HMGCLL1: variants seen among roughly 807,000 people sequenced by gnomAD.
HMGCLL1 encodes 3-hydroxy-3-methylglutaryl-CoA lyase like 1.
In HMGCLL1, 36 loss-of-function variants were observed where a neutral mutation model predicts 39.1. The ratio of observed to expected loss-of-function variants is 0.92; its 90% CI spans 0.71 to 1.22. The LOEUF is 1.22. Among genes scored for constraint, HMGCLL1 ranks in the 50% most tolerant of loss-of-function variants. The pLI, the probability that HMGCLL1 is intolerant of heterozygous loss-of-function variation, is 0.00. For missense variants in HMGCLL1, 451 were observed against 416.5 expected (o/e 1.08, Z -0.72); for synonymous variants, 149 against 144.0 (o/e 1.03, Z -0.25).
intron 3 of HMGCLL1, among the ~76,000 whole-genome samples, chr6:55,540,355 G>A (rs1769353970): frequency 6.6e-6 from 1 of 152,110 alleles, no homozygotes; most frequent in Non-Finnish European, 1.5e-5. Flanking sequence ...CCTGTAATGT[G>A]ATAATATTAA....
intron 7 of HMGCLL1, among the ~76,000 whole-genome samples, chr6:55,493,062 A>T (rs1766395723): frequency 6.7e-6 from 1 of 149,924 alleles, no homozygotes. Context: ...ATATATTAAC[A>T]TATAAAAATA....
At chr6:55,544,739 C>A (rs55993267) in intron 1 of HMGCLL1, among the ~76,000 whole-genome samples, 3,900 of 152,224 alleles carry the variant, frequency 0.026, 165 homozygotes, top group African/African-American at 0.089. Context: ...GTCCCCATTA[C>A]AATGTTTACA....
chr6:55,577,177 T>C (rs1561973297), intron 1 of HMGCLL1: 1 of 1,568,000 alleles, frequency 6.4e-7, no homozygotes. Context: ...TCTAGGAAGA[T>C]AAAGTTCAAA....
intron 3 of HMGCLL1, among the ~76,000 whole-genome samples, chr6:55,528,250 A>C (rs1768428298): frequency 6.6e-6 from 1 of 152,040 alleles, no homozygotes; most frequent in African/African-American, 2.4e-5. Context: ...GTACAACAGG[A>C]AAGAGACATA....
the HMGCLL1 span, among the ~76,000 whole-genome samples, chr6:55,659,455 A>C: frequency 6.6e-6 from 1 of 151,930 alleles, no homozygotes; most frequent in Non-Finnish European, 1.5e-5. Context: ...AATCAGAAAC[A>C]TGTGTCTTAA....
intron 1 of HMGCLL1, among the ~76,000 whole-genome samples, chr6:55,556,438 G>C (rs1770670637): frequency 6.6e-6 from 1 of 152,086 alleles, no homozygotes; most frequent in Admixed American, 6.6e-5. Flanking sequence ...AGTTGATCAA[G>C]GGAAATGTGC....
chr6:55,513,156 C>T (rs1264996423), intron 5 of HMGCLL1: 1 of 152,076 alleles, frequency 6.6e-6, no homozygotes, highest in Non-Finnish European at 1.5e-5. Context: ...TTGCATGTGG[C>T]TCCATCCTAG....
At chr6:55,639,344 G>A in the HMGCLL1 span, among the ~76,000 whole-genome samples, 3 of 150,928 alleles carry the variant, frequency 2.0e-5, no homozygotes, top group African/African-American at 7.3e-5. Flanking sequence ...TGCTAAAATA[G>A]TTATTTCATA....
Position 55,527,758 on chromosome 6 carries a change from C to T in HMGCLL1, c.298-11155G>A, listed in dbSNP as rs926606790. ...CCCATGACAAAAAAGAAAAAAGTTT[C>T]ACTGATAAAAACTAAAGTTTGGAAA... is the stretch of plus-strand genomic sequence containing the variant. On this transcript the variant is annotated intron_variant, in intron 3 of 8. Transcript: ENST00000274901. Among the ~76,000 whole-genome samples the T allele has an allele frequency of 8.6e-5, 13 of 152,046 alleles. No individual in the cohort carries two copies. The East Asian group carries it at 2.5e-3, about 29-fold the overall frequency.
At chr6:55,599,281 A>G in the HMGCLL1 span, among the ~76,000 whole-genome samples, 1 of 152,154 alleles carries the variant, frequency 6.6e-6, no homozygotes, top group Non-Finnish European at 1.5e-5. Flanking sequence ...AAAGAAAGAA[A>G]AGAAAAAGAA....
the HMGCLL1 span, among the ~76,000 whole-genome samples, chr6:55,657,579 G>C: frequency 6.6e-6 from 1 of 151,734 alleles, no homozygotes; most frequent in African/African-American, 2.4e-5. Flanking sequence ...TGCTATTTTG[G>C]TTACTGTAGC....
intron 1 of HMGCLL1, among the ~76,000 whole-genome samples, chr6:55,563,501 G>GTCAAT (rs1260202885): frequency 2.0e-5 from 3 of 151,844 alleles, no homozygotes; most frequent in African/African-American, 7.3e-5. Context: ...TTCACTCCTG[G>GTCAAT]GAATTAGTGA....
At chr6:55,522,832 G>GT (rs1768106203) in intron 3 of HMGCLL1, among the ~76,000 whole-genome samples, 1 of 151,988 alleles carries the variant, frequency 6.6e-6, no homozygotes, top group Non-Finnish European at 1.5e-5. Context: ...TATTCAGTGT[G>GT]TTTTTGTAGC....
the HMGCLL1 span, among the ~76,000 whole-genome samples, chr6:55,586,233 G>A: frequency 2.0e-5 from 3 of 151,926 alleles, no homozygotes; most frequent in Admixed American, 6.6e-5. Context: ...TAGGTTTCTC[G>A]TTTAACTATG....
At chr6:55,589,389 G>T in the HMGCLL1 span, among the ~76,000 whole-genome samples, 1 of 152,122 alleles carries the variant, frequency 6.6e-6, no homozygotes, top group Non-Finnish European at 1.5e-5. Flanking sequence ...ATTAGGTATT[G>T]ATGGGATGTA....
chr6:55,486,240 T>G (rs1372978485), intron 7 of HMGCLL1, among the ~76,000 whole-genome samples: 1 of 151,882 alleles, frequency 6.6e-6, no homozygotes, highest in Non-Finnish European at 1.5e-5. Context: ...TTTCTAAATA[T>G]TTAAAAAATA....
the HMGCLL1 span, among the ~76,000 whole-genome samples, chr6:55,612,386 AG>A: frequency 6.6e-6 from 1 of 152,216 alleles, no homozygotes; most frequent in East Asian, 1.9e-4. Flanking sequence ...AGTAATTTAT[AG>A]ATTCAATGCT....
chr6:55,455,958 A>C (rs1185733122), intron 7 of HMGCLL1, among the ~76,000 whole-genome samples: 2 of 152,182 alleles, frequency 1.3e-5, no homozygotes, highest in Non-Finnish European at 2.9e-5. Context: ...ATAAAATTAG[A>C]ATATTAAGGG....
rs1581832239 is a variant in HMGCLL1 at position 55,477,561 on chromosome 6, A to G, written c.795+17858T>C. ...TATATAAATAAATGATGGACCAAAA[A>G]AACCCACAAAAATTGAATAGTAAAA... On this transcript the variant is annotated intron_variant, in intron 7 of 8. Coordinates refer to ENST00000274901, the MANE Select transcript of HMGCLL1 (RefSeq NM_001042406.2). 3.0e-5 allele frequency among the ~76,000 whole-genome samples: 4 copies of G among 132,548 alleles called. No homozygotes were observed. The South Asian group carries it at 6.5e-4, about 22-fold the overall frequency. 87.0% of individuals were successfully genotyped at this position (132,548 alleles called of 152,430 possible).
Sources: allele counts gnomAD v4.1 joint callset (sites outside exome capture counted in the v4.1 genomes callset), GRCh38; gene constraint gnomAD v4.1.1; transcripts MANE v1.5; gene names NCBI Gene and HGNC (gene_info 2026-07-23, HGNC 2026-07-21).